AKT3: variants seen among roughly 807,000 people sequenced by gnomAD.
AKT3 encodes the protein AKT serine/threonine kinase 3, also known as RAC-gamma serine/threonine-protein kinase.
In AKT3, 15 loss-of-function variants were observed where a neutral mutation model predicts 65.3. That is an observed-to-expected ratio of 0.23 (90% CI 0.15 to 0.35). The LOEUF is 0.35. Ranked by LOEUF, AKT3 falls within the 10% of genes least tolerant of loss-of-function variation. The pLI is 1.00. For missense variants in AKT3, 243 were observed against 576.5 expected (o/e 0.42, Z 5.92); for synonymous variants, 206 against 183.8 (o/e 1.12, Z -0.98).
chr1:243,682,361 C>T (rs1212843538), intron 3 of AKT3, among the ~76,000 whole-genome samples: 1 of 152,032 alleles, frequency 6.6e-6, no homozygotes. Context: ...TTCCAAGCTA[C>T]AGTTTATAAC....
intron 8 of AKT3, among the ~76,000 whole-genome samples, chr1:243,587,597 C>A (rs922537310): frequency 2.6e-5 from 4 of 152,044 alleles, no homozygotes; most frequent in African/African-American, 7.2e-5. Flanking sequence ...GGTGACAGGG[C>A]AAGACTCCGT....
At chr1:243,719,333 A>G (rs1686728459) in intron 2 of AKT3, among the ~76,000 whole-genome samples, 1 of 152,152 alleles carries the variant, frequency 6.6e-6, no homozygotes, top group African/African-American at 2.4e-5. Context: ...TTTTGTATCA[A>G]TTCCCTAACA....
chr1:243,509,734 A>G (rs1045523261), intron 13 of AKT3, among the ~76,000 whole-genome samples: 1 of 152,006 alleles, frequency 6.6e-6, no homozygotes, highest in Admixed American at 6.5e-5. Flanking sequence ...CTGGTGCTTG[A>G]GCAGAATTGA....
rs11440720 is a variant in AKT3, at chr1:243,795,476, G to GTT, written c.46+47647_46+47648dup. ...TTTTTTTTTTTGTTTTTTTTTTTTG[G>GTT]TTTTTTTTTTTTTGAGACGGAGTCT... On this transcript the variant is annotated intron_variant, in intron 2 of 13. Transcript: ENST00000673466. Among the ~76,000 whole-genome samples, 1,073 of 109,774 alleles carry GTT rather than the reference G, an allele frequency of 9.8e-3. 30 individuals carry two copies. Among genetic ancestry groups the GTT allele is most frequent in the African/African-American group, 0.017 (487 of 28,156 alleles). The allele number at this position is 109,774 out of a possible 152,430, so 72.0% of individuals were successfully genotyped here. A position where few individuals can be genotyped will look rare whatever the true frequency, so the allele number is the denominator to read the frequency against.
intron 3 of AKT3, among the ~76,000 whole-genome samples, chr1:243,674,165 T>A (rs1041195751): frequency 5.3e-5 from 8 of 152,108 alleles, no homozygotes; most frequent in African/African-American, 1.9e-4. Context: ...TAAAAGATAA[T>A]CTACCCCTAA....
At chr1:243,552,288 C>CAAAAAAAAAAAAAAAA (rs33995513) in intron 11 of AKT3, among the ~76,000 whole-genome samples, 1 of 50,166 alleles carries the variant, frequency 2.0e-5, no homozygotes, top group African/African-American at 1.0e-4. Flanking sequence ...GACTCTGTCT[C>CAAAAAAAAAAAAAAAA]AAAAAAAAAA....
At chr1:243,672,889 T>C (rs1048946404) in intron 3 of AKT3, among the ~76,000 whole-genome samples, 1 of 152,220 alleles carries the variant, frequency 6.6e-6, no homozygotes, top group African/African-American at 2.4e-5. Flanking sequence ...ACAACTGTTC[T>C]TGGCATACTT....
At chr1:243,676,312 T>C (rs1459491383) in intron 3 of AKT3, among the ~76,000 whole-genome samples, 1 of 152,108 alleles carries the variant, frequency 6.6e-6, no homozygotes. Context: ...GATGGATTTG[T>C]GAAACAGCAA....
At chr1:243,583,270 C>A (rs1675539712) in intron 8 of AKT3, among the ~76,000 whole-genome samples, 1 of 146,710 alleles carries the variant, frequency 6.8e-6, no homozygotes, top group Non-Finnish European at 1.5e-5. Flanking sequence ...TTGGAGAACC[C>A]AGAGTCATAA....
chr1:243,656,105 G>C (rs1572112118), intron 4 of AKT3, among the ~76,000 whole-genome samples: 1 of 151,482 alleles, frequency 6.6e-6, no homozygotes, highest in Non-Finnish European at 1.5e-5. Flanking sequence ...GGGTGTGGCG[G>C]GGGGGTGTGG....
chr1:243,752,660 C>A (rs1352333102), intron 2 of AKT3, among the ~76,000 whole-genome samples: 3 of 152,292 alleles, frequency 2.0e-5, no homozygotes, highest in Non-Finnish European at 4.4e-5. Context: ...AACAGAAACA[C>A]TTTGCAGGTA....
chr1:243,781,172 T>TA (rs1467025266), intron 2 of AKT3, among the ~76,000 whole-genome samples: 1 of 152,144 alleles, frequency 6.6e-6, no homozygotes, highest in Non-Finnish European at 1.5e-5. Context: ...ACCACATATA[T>TA]AAACCCTTGT....
intron 9 of AKT3, among the ~76,000 whole-genome samples, chr1:243,571,167 A>G (rs1229536020): frequency 6.6e-6 from 1 of 152,058 alleles, no homozygotes; most frequent in Non-Finnish European, 1.5e-5. Flanking sequence ...AAATACAAAA[A>G]TTAGCTGGGC....
intron 13 of AKT3, among the ~76,000 whole-genome samples, chr1:243,491,853 A>G (rs949880629): frequency 2.6e-5 from 4 of 152,104 alleles, no homozygotes; most frequent in Non-Finnish European, 5.9e-5. Flanking sequence ...CGGGTTAGAG[A>G]TGGTTTAACT....
At chr1:243,556,809 A>G (rs756767109) in intron 10 of AKT3, among the ~76,000 whole-genome samples, 13 of 152,166 alleles carry the variant, frequency 8.5e-5, no homozygotes, top group East Asian at 7.7e-4. Flanking sequence ...GGGCTAAGAA[A>G]AAAAGACCTA....
At chr1:243,771,624 C>T (rs981485311) in intron 2 of AKT3, among the ~76,000 whole-genome samples, 1 of 152,086 alleles carries the variant, frequency 6.6e-6, no homozygotes, top group African/African-American at 2.4e-5. Context: ...ATATTTAGAA[C>T]TGAATATTGT....
rs997349985 is a variant in AKT3 at position 243,536,109 on chromosome 1, AG to A, written c.1251+9400del. ...TTCTTGCTGATTTGAGTTCTTTATA[AG>A]ATTCTGGGTATTAGCCCTTTTTCAG... On this transcript the variant is annotated intron_variant, in intron 12 of 13. Coordinates refer to ENST00000673466, the MANE Select transcript of AKT3 (RefSeq NM_005465.7). 1.7e-4 allele frequency among the ~76,000 whole-genome samples: 19 copies of A among 109,586 alleles called. No homozygotes were observed. In the African/African-American group the frequency reaches 1.8e-3, roughly 10 times the overall value. The allele number at this position is 109,586 out of a possible 152,430, so 71.9% of individuals were successfully genotyped here.
intron 8 of AKT3, among the ~76,000 whole-genome samples, chr1:243,589,524 A>ACC (rs1676077567): frequency 2.0e-5 from 3 of 152,128 alleles, no homozygotes; most frequent in Non-Finnish European, 2.9e-5. Flanking sequence ...TATAAAAAAG[A>ACC]TGAGATAGCA....
intron 2 of AKT3, among the ~76,000 whole-genome samples, chr1:243,699,101 G>A (rs904588060): frequency 1.3e-5 from 2 of 152,046 alleles, no homozygotes; most frequent in African/African-American, 4.8e-5. Context: ...TAGCTTTTAT[G>A]AGGCTAAGTA....
Sources: gnomAD v4.1 joint callset for allele counts (sites outside exome capture counted in the v4.1 genomes callset) on GRCh38, gnomAD v4.1.1 for gene constraint, MANE v1.5 for transcripts, NCBI Gene and HGNC (gene_info 2026-07-23, HGNC 2026-07-21) for gene names.